Variants in NPAS3 observed in about 807,000 individuals in gnomAD.
NPAS3 encodes neuronal PAS domain-containing protein 3.
In NPAS3, 14 loss-of-function variants were observed where a neutral mutation model predicts 73.1. The ratio of observed to expected loss-of-function variants is 0.19; its 90% CI spans 0.13 to 0.30. NPAS3 has a LOEUF of 0.30. Among genes scored for constraint, NPAS3 ranks in the 10% least tolerant of loss-of-function variants. The probability of loss-of-function intolerance (pLI) is 1.00; values close to 1 mark genes in which losing one functional copy is unlikely to be tolerated. For missense variants in NPAS3, 1,096 were observed against 1,250.0 expected (o/e 0.88, Z 1.86); for synonymous variants, 620 against 541.5 (o/e 1.14, Z -2.01).
At chr14:33,118,786 G>C (rs1566579122) in intron 2 of NPAS3, among the ~76,000 whole-genome samples, 1 of 151,930 alleles carries the variant, frequency 6.6e-6, no homozygotes, top group Non-Finnish European at 1.5e-5. Context: ...AAGTCCAGAA[G>C]GCTGAGCTTA....
chr14:33,676,315 G>A (rs1404704903), exon 6 of NPAS3: 1 of 1,612,704 alleles, frequency 6.2e-7, no homozygotes, highest in Non-Finnish European at 8.5e-7. Context: ...GGGGTCTCCT[G>A]TCACAGGGCA....
chr14:33,529,799 G>C (rs961841332), intron 4 of NPAS3, among the ~76,000 whole-genome samples: 1 of 151,790 alleles, frequency 6.6e-6, no homozygotes, highest in Non-Finnish European at 1.5e-5. Context: ...TGAAGTTTCA[G>C]CTTCTGAACA....
At chr14:33,801,496 A>T, downstream of NPAS3, 1 of 238,522 alleles carries the variant, frequency 4.2e-6, no homozygotes, top group Non-Finnish European at 8.1e-6. Context: ...AGATCTTGAT[A>T]TGATCAAGAT....
At chr14:33,490,627 T>C (rs1439310250) in intron 4 of NPAS3, among the ~76,000 whole-genome samples, 1 of 152,172 alleles carries the variant, frequency 6.6e-6, no homozygotes, top group Non-Finnish European at 1.5e-5. Context: ...TTTTTAATAC[T>C]GATAAAATGG....
upstream of NPAS3, among the ~76,000 whole-genome samples, chr14:32,936,955 T>C (rs2035715554): frequency 6.7e-6 from 1 of 149,236 alleles, no homozygotes; most frequent in African/African-American, 2.5e-5. Flanking sequence ...TTCTAGCATC[T>C]CTAAACTTTA....
intron 4 of NPAS3, among the ~76,000 whole-genome samples, chr14:33,383,483 T>G (rs2046646612): frequency 6.6e-6 from 1 of 152,312 alleles, no homozygotes; most frequent in African/African-American, 2.4e-5. Flanking sequence ...ATTATGCACC[T>G]AAGTCCCCAT....
chr14:33,419,927 GTGTT>G (rs1362691213), intron 4 of NPAS3, among the ~76,000 whole-genome samples: 4 of 151,966 alleles, frequency 2.6e-5, no homozygotes, highest in African/African-American at 9.7e-5. Context: ...GTGCTTGAAA[GTGTT>G]TGTGTGGAAA....
chr14:33,081,582 C>A (rs2041864714), intron 2 of NPAS3, among the ~76,000 whole-genome samples: 1 of 151,236 alleles, frequency 6.6e-6, no homozygotes. Flanking sequence ...GGCCTCCCCA[C>A]CATTTGCACA....
At chr14:33,197,209 T>C (rs1425465056) in intron 2 of NPAS3, among the ~76,000 whole-genome samples, 1 of 149,206 alleles carries the variant, frequency 6.7e-6, no homozygotes, top group Non-Finnish European at 1.5e-5. Context: ...AATTGTAGCA[T>C]GTCTGCTCTG....
chr14:32,938,928 C>G (rs2035829974), upstream of NPAS3, among the ~76,000 whole-genome samples: 1 of 145,822 alleles, frequency 6.9e-6, no homozygotes, highest in Non-Finnish European at 1.5e-5. Flanking sequence ...CGGGGCGGCC[C>G]GGGCCGCGGG....
At chr14:33,145,875 CT>C (rs1203571901) in intron 2 of NPAS3, among the ~76,000 whole-genome samples, 1 of 152,032 alleles carries the variant, frequency 6.6e-6, no homozygotes, top group Admixed American at 6.6e-5. Flanking sequence ...AATGTGACCT[CT>C]TGTTGTTTTT....
intron 4 of NPAS3, among the ~76,000 whole-genome samples, chr14:33,535,175 A>G (rs2054207395): frequency 6.6e-6 from 1 of 152,214 alleles, no homozygotes; most frequent in Non-Finnish European, 1.5e-5. Flanking sequence ...ATATACTGTC[A>G]TAAAAAATAT....
chr14:33,210,048 C>T lies in NPAS3; in HGVS notation c.141-5134C>T, dbSNP rs529169005. ...TTAAGTTGGCTTCTGTACTCTGTGG[C>T]TACCTATTTTTAATCCTTGTTATCC... On this transcript the variant is annotated intron_variant, in intron 2 of 11. Coordinates refer to ENST00000356141, the Ensembl canonical transcript of NPAS3. 3.9e-5 allele frequency among the ~76,000 whole-genome samples: 6 copies of T among 152,284 alleles called. No homozygotes were observed. The East Asian group carries it at 7.7e-4, about 20-fold the overall frequency.
At chr14:33,447,310 A>G (rs1317474917) in intron 4 of NPAS3, among the ~76,000 whole-genome samples, 3 of 152,202 alleles carry the variant, frequency 2.0e-5, no homozygotes, top group Non-Finnish European at 4.4e-5. Flanking sequence ...ACAGAAGAGC[A>G]TGTTGTACAA....
At chr14:33,391,904 A>G (rs975495009) in intron 4 of NPAS3, among the ~76,000 whole-genome samples, 3 of 152,182 alleles carry the variant, frequency 2.0e-5, no homozygotes, top group African/African-American at 7.2e-5. Flanking sequence ...AAAATGACTA[A>G]TCGAATTGCA....
intron 1 of NPAS3, among the ~76,000 whole-genome samples, chr14:33,006,133 ACTCAGTGCTTCCCTG>A (rs1337413970): frequency 6.6e-6 from 1 of 152,006 alleles, no homozygotes; most frequent in African/African-American, 2.4e-5. Context: ...GATTTTTCCA[ACTCAGTGCTTCCCTG>A]CTTCTCCCTT....
intron 7 of NPAS3, 91 bp from the exon 8 acceptor site, chr14:33,774,246 T>C (rs1183182707): frequency 6.3e-6 from 6 of 956,032 alleles, no homozygotes; most frequent in Non-Finnish European, 9.6e-6. Flanking sequence ...TGTTGGTTGT[T>C]CCAGATGTAA....
intron 4 of NPAS3, among the ~76,000 whole-genome samples, chr14:33,439,076 C>T (rs1306903693): frequency 6.7e-6 from 1 of 149,502 alleles, no homozygotes; most frequent in Non-Finnish European, 1.5e-5. Flanking sequence ...ATAATATTAT[C>T]TTAGGAAAAT....
At chr14:33,643,691 G>C (rs2058742841) in intron 5 of NPAS3, among the ~76,000 whole-genome samples, 1 of 152,178 alleles carries the variant, frequency 6.6e-6, no homozygotes, top group Non-Finnish European at 1.5e-5. Context: ...AGTGGATTAA[G>C]ATGATCTAAA....
Sources: allele counts gnomAD v4.1 joint callset (sites outside exome capture counted in the v4.1 genomes callset), GRCh38; gene constraint gnomAD v4.1.1; transcripts MANE v1.5; gene names NCBI Gene and HGNC (gene_info 2026-07-23, HGNC 2026-07-21).